Variants in AKAP6 observed in about 807,000 individuals in gnomAD.
The protein encoded by AKAP6 is A-kinase anchoring protein 6.
A neutral mutation model predicts 188.5 loss-of-function variants in AKAP6; 58 were observed. The observed-to-expected ratio is 0.31, with a 90% CI of 0.25 to 0.38. AKAP6 has a LOEUF of 0.38. Among genes scored for constraint, AKAP6 ranks in the 10% least tolerant of loss-of-function variants. The probability of loss-of-function intolerance (pLI) is 1.00; values close to 1 mark genes in which losing one functional copy is unlikely to be tolerated. For synonymous variants in AKAP6, 989 were observed against 998.6 expected, an observed-to-expected ratio of 0.99 and a Z score of 0.18; for missense variants, 2,710 against 2,740.0, an observed-to-expected ratio of 0.99 and a Z score of 0.24.
intron 12 of AKAP6, among the ~76,000 whole-genome samples, chr14:32,793,279 C>T (rs1029621485): frequency 2.0e-5 from 3 of 152,022 alleles, no homozygotes; most frequent in African/African-American, 7.3e-5. Context: ...TCAAGAGACC[C>T]ATCTCACATG....
intron 1 of AKAP6, among the ~76,000 whole-genome samples, chr14:32,360,118 CTCTTTTTCT>C (rs1350073594): frequency 1.4e-5 from 2 of 141,180 alleles, no homozygotes; most frequent in African/African-American, 5.7e-5. Flanking sequence ...TGCAGTTATC[CTCTTTTTCT>C]TTTTTCTTTT....
intron 7 of AKAP6, among the ~76,000 whole-genome samples, chr14:32,630,695 G>A (rs1026597998): frequency 6.6e-6 from 1 of 152,074 alleles, no homozygotes; most frequent in African/African-American, 2.4e-5. Flanking sequence ...TACATGGCAT[G>A]TGTAAAGTCT....
chr14:32,791,251 C>T (rs1015328709), intron 12 of AKAP6, among the ~76,000 whole-genome samples: 2 of 152,178 alleles, frequency 1.3e-5, no homozygotes, highest in African/African-American at 4.8e-5. Flanking sequence ...AAAAGCGTTC[C>T]TATTTCTCCA....
At chr14:32,438,147 A>G (rs543757667) in intron 2 of AKAP6, among the ~76,000 whole-genome samples, 2 of 152,258 alleles carry the variant, frequency 1.3e-5, no homozygotes, top group East Asian at 3.9e-4. Flanking sequence ...TTGAATTAGG[A>G]CAAAGGCATT....
intron 1 of AKAP6, among the ~76,000 whole-genome samples, chr14:32,388,161 C>A (rs1223829605): frequency 6.6e-6 from 1 of 151,930 alleles, no homozygotes; most frequent in Non-Finnish European, 1.5e-5. Context: ...CTTGAATGAT[C>A]TTTTGTATTT....
chr14:32,602,557 C>A (rs1215113785), intron 7 of AKAP6, among the ~76,000 whole-genome samples: 1 of 151,930 alleles, frequency 6.6e-6, no homozygotes, highest in Non-Finnish European at 1.5e-5. Context: ...ATAATCTGAG[C>A]TACTCAGGAG....
At chr14:32,649,131 C>A (rs1447392472) in intron 7 of AKAP6, among the ~76,000 whole-genome samples, 1 of 152,056 alleles carries the variant, frequency 6.6e-6, no homozygotes, top group Non-Finnish European at 1.5e-5. Flanking sequence ...TCTGTCTTCT[C>A]TAAATAAACA....
intron 5 of AKAP6, among the ~76,000 whole-genome samples, chr14:32,578,199 G>A (rs10141759): frequency 0.035 from 5,367 of 152,138 alleles, 306 homozygotes; most frequent in African/African-American, 0.12. Context: ...GATGTTAAGT[G>A]AGAGAGAGAA....
At chr14:32,777,919 G>A (rs1015023341) in intron 12 of AKAP6, among the ~76,000 whole-genome samples, 1 of 152,130 alleles carries the variant, frequency 6.6e-6, no homozygotes, top group African/African-American at 2.4e-5. Flanking sequence ...CATGCGTGCA[G>A]TCCCAGCTAC....
At chr14:32,698,878 G>T (rs957297576) in intron 9 of AKAP6, among the ~76,000 whole-genome samples, 3 of 152,140 alleles carry the variant, frequency 2.0e-5, no homozygotes, top group Non-Finnish European at 4.4e-5. Flanking sequence ...CTTCAGCTGA[G>T]TGATGGCAAA....
At chr14:32,563,528 A>G (rs1451398398) in intron 4 of AKAP6, among the ~76,000 whole-genome samples, 1 of 152,208 alleles carries the variant, frequency 6.6e-6, no homozygotes, top group Non-Finnish European at 1.5e-5. Flanking sequence ...CTCCTTGTAT[A>G]GAGATGACTG....
At chr14:32,385,050 G>A (rs938120360) in intron 1 of AKAP6, 1 of 151,868 alleles carries the variant, frequency 6.6e-6, no homozygotes, top group African/African-American at 2.4e-5. Context: ...AAAAGCTCTA[G>A]ACTACTTTTT....
intron 1 of AKAP6, among the ~76,000 whole-genome samples, chr14:32,431,303 A>G (rs911455491): frequency 5.3e-5 from 8 of 152,138 alleles, no homozygotes; most frequent in African/African-American, 1.9e-4. Flanking sequence ...GGTTAAAAAT[A>G]TGGGGTATCT....
chr14:32,375,442 T>G (rs1004801680), intron 1 of AKAP6, among the ~76,000 whole-genome samples: 2 of 151,152 alleles, frequency 1.3e-5, no homozygotes, highest in Middle Eastern at 3.2e-3. Flanking sequence ...TTTGTAGATA[T>G]GGAGTGTATC....
intron 4 of AKAP6, among the ~76,000 whole-genome samples, chr14:32,547,897 T>A: frequency 6.6e-6 from 1 of 151,938 alleles, no homozygotes; most frequent in Non-Finnish European, 1.5e-5. Context: ...AATTATTTGA[T>A]CTTTTAAGAG....
intron 1 of AKAP6, among the ~76,000 whole-genome samples, chr14:32,426,234 C>T (rs1445889195): frequency 6.6e-6 from 1 of 151,968 alleles, no homozygotes; most frequent in African/African-American, 2.4e-5. Flanking sequence ...TGTTTTTGCC[C>T]TTCATGTATT....
chr14:32,535,747 A>G lies in AKAP6; in HGVS notation c.518A>G (p.Asn173Ser), dbSNP rs1184352247. Residue 173 changes from asparagine (N) to serine (S), a missense_variant, in exon 3 of 14, where the codon AAT becomes AGT. Physicochemically the swap from Asn to Ser is conservative, Grantham distance 46. Coordinates refer to ENST00000280979, the MANE Select transcript of AKAP6 (RefSeq NM_004274.5). The part of the protein sequence containing the change: ...ERILQGLQDA[N>S]GNYTRQTDIL... ...ATTCTGCAAGGTCTGCAGGACGCCA[A>G]TGGCAACTACACTAGGCAGACGGAC... 3 of 1,614,232 alleles carry G rather than the reference A, an allele frequency of 1.9e-6. No homozygotes were observed. The highest frequency in any genetic ancestry group is 2.7e-5 in the African/African-American group (2 of 75,072).
chr14:32,660,608 T>C (rs1884619), intron 7 of AKAP6, among the ~76,000 whole-genome samples: 27,438 of 152,018 alleles, frequency 0.18, 2,818 homozygotes, highest in Admixed American at 0.27. Flanking sequence ...TTCATTTGTT[T>C]CCCCCCAGGT....
chr14:32,423,447 G>T (rs1327734614), intron 1 of AKAP6, among the ~76,000 whole-genome samples: 2 of 152,150 alleles, frequency 1.3e-5, no homozygotes, highest in African/African-American at 2.4e-5. Flanking sequence ...CTGAAGTGCT[G>T]GGATTACAGG....
Sources: gnomAD v4.1 joint callset for allele counts (sites outside exome capture counted in the v4.1 genomes callset) on GRCh38, gnomAD v4.1.1 for gene constraint, MANE v1.5 for transcripts, NCBI Gene and HGNC (gene_info 2026-07-23, HGNC 2026-07-21) for gene names.